RBFOX1: variants seen among roughly 807,000 people sequenced by gnomAD.
RBFOX1 encodes RNA binding fox-1 homolog 1.
RBFOX1 carries 8 observed loss-of-function variants against 57.7 expected under a neutral mutation model. The ratio of observed to expected loss-of-function variants is 0.14; its 90% CI spans 0.08 to 0.25. RBFOX1 has a LOEUF of 0.25. RBFOX1 is among the 10% of genes least tolerant of loss of function. The probability of loss-of-function intolerance (pLI) is 1.00; values close to 1 mark genes in which losing one functional copy is unlikely to be tolerated. For missense variants in RBFOX1, 611 were observed against 548.5 expected, an observed-to-expected ratio of 1.11 and a Z score of -1.14; for synonymous variants, 326 against 222.4, an observed-to-expected ratio of 1.47 and a Z score of -4.15.
chr16:5,875,275 G>A (rs769508842), intron 4 of RBFOX1, among the ~76,000 whole-genome samples: 1 of 152,116 alleles, frequency 6.6e-6, no homozygotes, highest in African/African-American at 2.4e-5. Context: ...AGTGGTGTAG[G>A]TTGGCCAAAC....
At chr16:7,388,010 CA>C (rs1217081906) in intron 4 of RBFOX1, among the ~76,000 whole-genome samples, 1 of 151,448 alleles carries the variant, frequency 6.6e-6, no homozygotes, top group Non-Finnish European at 1.5e-5. Flanking sequence ...GCAAAGCAAA[CA>C]AAACAAAACA....
chr16:7,043,327 C>T (rs1392395272), intron 3 of RBFOX1, among the ~76,000 whole-genome samples: 3 of 152,154 alleles, frequency 2.0e-5, no homozygotes, highest in Admixed American at 6.5e-5. Flanking sequence ...CACTCCTCCC[C>T]TGTCTTTTTT....
intron 4 of RBFOX1, among the ~76,000 whole-genome samples, chr16:7,500,600 C>A (rs1013304545): frequency 6.6e-6 from 1 of 152,112 alleles, no homozygotes; most frequent in African/African-American, 2.4e-5. Context: ...ATTGGAAATA[C>A]CTCTAGGGTT....
chr16:6,878,206 A>C (rs931422935), intron 3 of RBFOX1, among the ~76,000 whole-genome samples: 9 of 152,196 alleles, frequency 5.9e-5, no homozygotes, highest in Admixed American at 5.2e-4. Context: ...GTCACCATGC[A>C]GGCTCATCAA....
At position 7,385,316 on chromosome 16, in the gene RBFOX1, A is replaced by T. The variant is rs562124788; in HGVS notation, c.28-132831A>T. ...TGTCTGGGAGTCCAGGCAAGGGGTC[A>T]TAGTGGTTTGAACTGGAAGGTGGTT... On this transcript the variant is annotated intron_variant, in intron 4 of 15. Transcript: ENST00000550418. 2.6e-5 allele frequency among the ~76,000 whole-genome samples: 4 copies of T among 152,336 alleles called. No homozygotes were observed. The East Asian group carries it at 5.8e-4, about 22-fold the overall frequency.
At chr16:6,067,486 G>C (rs1364880389) in intron 1 of RBFOX1, among the ~76,000 whole-genome samples, 1 of 152,128 alleles carries the variant, frequency 6.6e-6, no homozygotes, top group African/African-American at 2.4e-5. Context: ...ATCACTAACC[G>C]TACTTGTCTT....
At chr16:5,796,467 G>A (rs1317836226) in intron 3 of RBFOX1, among the ~76,000 whole-genome samples, 2 of 152,174 alleles carry the variant, frequency 1.3e-5, no homozygotes, top group African/African-American at 4.8e-5. Context: ...GAGAGGAACA[G>A]GAGTGGTGGT....
chr16:6,000,812 G>A (rs1369950143), intron 4 of RBFOX1, among the ~76,000 whole-genome samples: 1 of 140,056 alleles, frequency 7.1e-6, no homozygotes, highest in Non-Finnish European at 1.6e-5. Flanking sequence ...TAGGTGGGTG[G>A]ATGAGTTGGT....
chr16:6,402,432 T>C (rs1050095972), intron 2 of RBFOX1, among the ~76,000 whole-genome samples: 2 of 152,244 alleles, frequency 1.3e-5, no homozygotes, highest in African/African-American at 2.4e-5. Flanking sequence ...TTTTTTTCCT[T>C]TGGATCTTTT....
chr16:7,550,380 G>T (rs1330693645), intron 5 of RBFOX1, among the ~76,000 whole-genome samples: 1 of 152,106 alleles, frequency 6.6e-6, no homozygotes, highest in East Asian at 1.9e-4. Context: ...AGAGGCAGCT[G>T]TGACGATGCC....
At chr16:7,689,480 C>T (rs2076861065) in intron 14 of RBFOX1, among the ~76,000 whole-genome samples, 1 of 152,064 alleles carries the variant, frequency 6.6e-6, no homozygotes, top group Non-Finnish European at 1.5e-5. Context: ...GCCTGTGGAG[C>T]TGATCAACAG....
At chr16:5,888,796 T>TAA (rs59196477) in intron 4 of RBFOX1, among the ~76,000 whole-genome samples, 8 of 99,234 alleles carry the variant, frequency 8.1e-5, no homozygotes, top group Non-Finnish European at 1.4e-4. Flanking sequence ...AAACTCAGTC[T>TAA]AAAAAAAAAA....
intron 1 of RBFOX1, among the ~76,000 whole-genome samples, chr16:6,182,058 G>A (rs564442526): frequency 2.0e-4 from 31 of 152,338 alleles, no homozygotes; most frequent in African/African-American, 7.0e-4. Context: ...ACTGGGAAAT[G>A]TAGTATTCCT....
chr16:5,645,305 C>T (rs9932119), intron 3 of RBFOX1, among the ~76,000 whole-genome samples: 1 of 151,510 alleles, frequency 6.6e-6, no homozygotes, highest in Non-Finnish European at 1.5e-5. Flanking sequence ...GTGAAAGAAG[C>T]TGCACACAAA....
At chr16:7,134,938 TC>T (rs1162316290) in intron 4 of RBFOX1, among the ~76,000 whole-genome samples, 30 of 152,040 alleles carry the variant, frequency 2.0e-4, no homozygotes, top group Non-Finnish European at 3.8e-4. Context: ...TTTTTTTTTT[TC>T]AATTTTGATT....
chr16:7,439,038 C>T (rs374417437), intron 4 of RBFOX1, among the ~76,000 whole-genome samples: 8 of 152,120 alleles, frequency 5.3e-5, no homozygotes, highest in African/African-American at 1.7e-4. Context: ...CGGAAACCAC[C>T]GCACTTTGTT....
chr16:5,413,496 C>T (rs1017861922), intron 1 of RBFOX1, among the ~76,000 whole-genome samples: 7 of 152,170 alleles, frequency 4.6e-5, no homozygotes, highest in South Asian at 2.1e-4. Context: ...CCACCACTCC[C>T]GTGTTCATTG....
chr16:6,959,107 C>T (rs891372960), intron 3 of RBFOX1, among the ~76,000 whole-genome samples: 4 of 152,002 alleles, frequency 2.6e-5, no homozygotes, highest in African/African-American at 7.2e-5. Context: ...TTTTTTCTAT[C>T]GGCTTTGTCT....
chr16:7,404,289 G>A (rs1472362441), intron 4 of RBFOX1, among the ~76,000 whole-genome samples: 2 of 152,052 alleles, frequency 1.3e-5, no homozygotes, highest in Non-Finnish European at 2.9e-5. Context: ...CTGACCTCAG[G>A]TGATCTGCCT....
Sources: allele counts gnomAD v4.1 joint callset (sites outside exome capture counted in the v4.1 genomes callset), GRCh38; gene constraint gnomAD v4.1.1; transcripts MANE v1.5; gene names NCBI Gene and HGNC (gene_info 2026-07-23, HGNC 2026-07-21).